CDHR2: variants seen among roughly 807,000 people sequenced by gnomAD.
CDHR2 encodes the protein cadherin-related family member 2.
A neutral mutation model predicts 138.6 loss-of-function variants in CDHR2; 104 were observed. The observed-to-expected ratio is 0.75, with a 90% confidence interval of 0.64 to 0.88. The LOEUF (loss-of-function observed/expected upper bound fraction) is 0.88. Among genes scored for constraint, CDHR2 ranks in the 40% least tolerant of loss-of-function variants. CDHR2 has a pLI of 0.00. For synonymous variants in CDHR2, 755 were observed against 742.8 expected, an observed-to-expected ratio of 1.02 and a Z score of -0.27; for missense variants, 1,624 against 1,727.6, an observed-to-expected ratio of 0.94 and a Z score of 1.06.
At chr5:176,593,271 A>G in intron 31 of CDHR2, among the ~76,000 whole-genome samples, 1 of 152,232 alleles carries the variant, frequency 6.6e-6, no homozygotes, top group East Asian at 1.9e-4. Context: ...TCAAGTGTTC[A>G]TAGACTGGCC....
intron 25 of CDHR2, 21 bp downstream of exon 25, chr5:176,590,167 G>C (rs188321856): frequency 6.2e-7 from 1 of 1,612,946 alleles, no homozygotes; most frequent in South Asian, 1.1e-5. Context: ...AGAGGCCTGG[G>C]GGTGGGGTTG....
At chr5:176,592,660 T>C in intron 30 of CDHR2, 63 bp from the exon 31 acceptor site, 1 of 1,423,346 alleles carries the variant, frequency 7.0e-7, no homozygotes, top group Admixed American at 1.7e-5. Context: ...AGGTGGTGGT[T>C]CTTGGGCACA....
intron 31 of CDHR2, among the ~76,000 whole-genome samples, chr5:176,594,446 G>T (rs142743490): frequency 6.6e-6 from 1 of 152,326 alleles, no homozygotes; most frequent in Non-Finnish European, 1.5e-5. Context: ...AGTGGCTGGA[G>T]AGATTATCAC....
At chr5:176,588,630 G>A (rs1336920940) in intron 21 of CDHR2, among the ~76,000 whole-genome samples, 6 of 76,866 alleles carry the variant, frequency 7.8e-5, no homozygotes, top group Non-Finnish European at 1.3e-4. Flanking sequence ...TGTGTGTTAG[G>A]GTGAGACTGA....
chr5:176,586,964 C>G (rs1340479790), intron 21 of CDHR2, 122 bp downstream of exon 21: 1 of 775,212 alleles, frequency 1.3e-6, no homozygotes, highest in African/African-American at 1.8e-5. Flanking sequence ...AAAGAAAACC[C>G]CAGAAGGGAA....
rs1758389356 is a variant in CDHR2, at chr5:176,576,626, G to T, written c.1194+441G>T. Among the ~76,000 whole-genome samples the T allele has an allele frequency of 6.6e-6, 1 of 151,058 alleles. No individual in the cohort carries two copies. The highest frequency in any genetic ancestry group is 2.4e-5 in the African/African-American group (1 of 41,012). On this transcript the variant is annotated intron_variant, in intron 12 of 31. Coordinates refer to ENST00000261944, the MANE Select transcript of CDHR2 (RefSeq NM_017675.6). The surrounding 1 kb of genome is among the most constrained non-coding windows in gnomAD (Gnocchi z 4.5). ...GAATTTCGCTCTGTCACCCAGGCTG[G>T]AGTGCAATGGCCCAATCTTGGCCCA...
intron 1 of CDHR2, among the ~76,000 whole-genome samples, chr5:176,559,090 G>A (rs967120398): frequency 6.6e-6 from 1 of 152,132 alleles, no homozygotes; most frequent in Admixed American, 6.6e-5. Flanking sequence ...GGCGGCCTCA[G>A]GGTAGTTGAA....
intron 5 of CDHR2, among the ~76,000 whole-genome samples, chr5:176,569,382 G>C (rs951514418): frequency 2.0e-5 from 3 of 150,310 alleles, no homozygotes; most frequent in Admixed American, 1.3e-4. Context: ...CTCCTGGGTT[G>C]ACGCCATTCT....
Position 176,586,257 on chromosome 5 carries a change from A to G in CDHR2, c.2806+232A>G, listed in dbSNP as rs1222895087. On this transcript the variant is annotated intron_variant, in intron 20 of 31. Coordinates refer to ENST00000261944, the MANE Select transcript of CDHR2 (RefSeq NM_017675.6). ...GTCGCCCAGGCTGGAGCGCAATGGTACGATCTCAGCTCACTGCAACCTCCG... is the reference window on the plus strand; with the variant it reads ...GTCGCCCAGGCTGGAGCGCAATGGTGCGATCTCAGCTCACTGCAACCTCCG... Among the ~76,000 whole-genome samples, 3 of 152,114 alleles carry G rather than the reference A, an allele frequency of 2.0e-5. No individual in the cohort carries two copies. In the South Asian group the frequency reaches 6.2e-4, roughly 31 times the overall value.
chr5:176,573,292 G>C (rs1758277141), intron 6 of CDHR2, among the ~76,000 whole-genome samples: 1 of 151,998 alleles, frequency 6.6e-6, no homozygotes, highest in East Asian at 1.9e-4. Flanking sequence ...TGAAGGAGAA[G>C]AGTTATGTGG....
At chr5:176,568,588 A>G (rs1178544860) in intron 3 of CDHR2, 90 bp from the exon 4 acceptor site, 4 of 1,463,134 alleles carry the variant, frequency 2.7e-6, no homozygotes, top group Non-Finnish European at 1.9e-6. Flanking sequence ...CAGGGCAGCC[A>G]GGCGCCCAGC....
upstream of CDHR2, among the ~76,000 whole-genome samples, chr5:176,548,488 C>G (rs1757635223): frequency 6.6e-6 from 1 of 152,190 alleles, no homozygotes; most frequent in African/African-American, 2.4e-5. Flanking sequence ...CCCTGTAATC[C>G]CAGCATTTTG....
At chr5:176,570,735 T>C (rs1329966300) in intron 5 of CDHR2, among the ~76,000 whole-genome samples, 1 of 152,180 alleles carries the variant, frequency 6.6e-6, no homozygotes, top group Non-Finnish European at 1.5e-5. Flanking sequence ...GCAGATCACC[T>C]GAGGTCGGGA....
At chr5:176,591,167 A>G (rs1758832363) in intron 28 of CDHR2, 43 bp from the exon 29 acceptor site, 1 of 1,353,808 alleles carries the variant, frequency 7.4e-7, no homozygotes, top group Non-Finnish European at 1.1e-6. Context: ...GGGACACAAC[A>G]GGTGTGCAGC....
At position 176,592,715 on chromosome 5, in the gene CDHR2, T is replaced by C; in HGVS notation, c.3735-8T>C. 6.2e-7 allele frequency: 1 copy of C among 1,613,664 alleles called. No individual in the cohort carries two copies. The highest frequency in any genetic ancestry group is 8.5e-7 in the Non-Finnish European group (1 of 1,179,750). ...GCCAACACCTGAGCTCCATCACCTC[T>C]CTTACAGCGTCAACTCCCTGGACGA... On this transcript the variant is annotated splice_region_variant and splice_polypyrimidine_tract_variant and intron_variant, in intron 30 of 31. Coordinates refer to ENST00000261944, the MANE Select transcript of CDHR2 (RefSeq NM_017675.6).
chr5:176,556,068 A>C (rs1174453008), intron 1 of CDHR2, among the ~76,000 whole-genome samples: 1 of 152,156 alleles, frequency 6.6e-6, no homozygotes, highest in African/African-American at 2.4e-5. Context: ...CCTGCAACCC[A>C]GCCACAGGGA....
chr5:176,560,698 G>A (rs1176360123), intron 1 of CDHR2, among the ~76,000 whole-genome samples: 1 of 152,250 alleles, frequency 6.6e-6, no homozygotes, highest in East Asian at 1.9e-4. Context: ...GCTGGGAGCA[G>A]GGTCTGGCAG....
chr5:176,573,442 C>T (rs1184530526), intron 6 of CDHR2, among the ~76,000 whole-genome samples: 1 of 151,674 alleles, frequency 6.6e-6, no homozygotes, highest in African/African-American at 2.4e-5. Context: ...GAGTTCGACA[C>T]CAGCCTGGCC....
Position 176,592,735 on chromosome 5 carries a change from G to T in CDHR2, c.3747G>T (p.Leu1249=), listed in dbSNP as rs755699757. Residue 1249 remains leucine (L), a synonymous_variant, in exon 31 of 32, where the codon CTG becomes CTT. Transcript: ENST00000261944. ...ACCTCTCTTACAGCGTCAACTCCCT[G>T]GACGACAACTCTGTGGATGTGGACA... ...NDLDSVSVNS[L]DDNSVDVDKN... is the part of the protein sequence containing the mutation. 6.2e-7 allele frequency: 1 copy of T among 1,613,804 alleles called. No individual in the cohort carries two copies. The highest frequency in any genetic ancestry group is 8.5e-7 in the Non-Finnish European group (1 of 1,179,812).
Sources: gnomAD v4.1 joint callset for allele counts (sites outside exome capture counted in the v4.1 genomes callset) on GRCh38, gnomAD v4.1.1 for gene constraint, Gnocchi (gnomAD v3.1) non-coding constraint, MANE v1.5 for transcripts, NCBI Gene and HGNC (gene_info 2026-07-23, HGNC 2026-07-21) for gene names.